TIAM1: variants seen among roughly 807,000 people sequenced by gnomAD.
TIAM1 encodes TIAM Rac1 associated GEF 1, also known as rho guanine nucleotide exchange factor TIAM1.
Under a neutral mutation model 163.5 loss-of-function variants are expected in TIAM1, and 65 were observed. That is an observed-to-expected ratio of 0.40 (90% CI 0.33 to 0.49). The LOEUF is 0.49. TIAM1 is among the 20% of genes least tolerant of loss of function. The probability of loss-of-function intolerance (pLI) is 0.77; values close to 1 mark genes in which losing one functional copy is unlikely to be tolerated. For synonymous variants in TIAM1, 833 were observed against 810.1 expected (o/e 1.03, Z -0.48); for missense variants, 1,789 against 2,044.7 (o/e 0.87, Z 2.41).
intron 1 of TIAM1, among the ~76,000 whole-genome samples, chr21:31,544,553 C>T (rs1339015310): frequency 2.6e-5 from 4 of 151,476 alleles, no homozygotes; most frequent in Non-Finnish European, 5.9e-5. Context: ...ACTTGAACCC[C>T]GGTGGCAAAG....
chr21:31,145,623 G>C (rs1184908191), intron 20 of TIAM1, among the ~76,000 whole-genome samples: 1 of 152,182 alleles, frequency 6.6e-6, no homozygotes, highest in African/African-American at 2.4e-5. Context: ...AAAGCAGCTT[G>C]CCCATATAAA....
At chr21:31,305,916 T>G (rs2074692364) in intron 2 of TIAM1, among the ~76,000 whole-genome samples, 1 of 151,944 alleles carries the variant, frequency 6.6e-6, no homozygotes, top group Non-Finnish European at 1.5e-5. Flanking sequence ...GTGACTGCCA[T>G]GGTGGTGTCA....
intron 1 of TIAM1, among the ~76,000 whole-genome samples, chr21:31,486,675 G>A (rs2046282795): frequency 6.6e-6 from 1 of 152,242 alleles, no homozygotes; most frequent in South Asian, 2.1e-4. Context: ...CCTCTCCACT[G>A]AGGAGGGGAA....
At chr21:31,158,682 C>T (rs936860157) in intron 16 of TIAM1, among the ~76,000 whole-genome samples, 1 of 152,102 alleles carries the variant, frequency 6.6e-6, no homozygotes, top group African/African-American at 2.4e-5. Flanking sequence ...TAACACCCCC[C>T]CAAATTTTTT....
intron 1 of TIAM1, among the ~76,000 whole-genome samples, chr21:31,491,766 T>G (rs906061796): frequency 2.6e-5 from 4 of 152,248 alleles, no homozygotes; most frequent in Admixed American, 2.6e-4. Context: ...TAAAACTGAT[T>G]GATGAATCTA....
intron 3 of TIAM1, among the ~76,000 whole-genome samples, chr21:31,271,797 T>C (rs2073069341): frequency 6.6e-6 from 1 of 152,084 alleles, no homozygotes; most frequent in Non-Finnish European, 1.5e-5. Context: ...CTGAAAGTGG[T>C]ATGGGGTCAA....
chr21:31,345,374 G>C (rs2076128360), upstream of TIAM1, among the ~76,000 whole-genome samples: 1 of 151,658 alleles, frequency 6.6e-6, no homozygotes. Flanking sequence ...ATGCAGCCTG[G>C]AAACAGTACT....
chr21:31,162,053 T>C (rs1178979889), intron 16 of TIAM1, among the ~76,000 whole-genome samples: 2 of 152,232 alleles, frequency 1.3e-5, no homozygotes, highest in Non-Finnish European at 2.9e-5. Flanking sequence ...TGAAACCCAG[T>C]ATTTAAAACC....
At position 31,183,884 on chromosome 21, in the gene TIAM1, G is replaced by A. The variant is rs182018738; in HGVS notation, c.2663-1239C>T. On this transcript the variant is annotated intron_variant, in intron 14 of 27. Coordinates refer to ENST00000541036, the MANE Select transcript of TIAM1 (RefSeq NM_001353694.2). ...TATTTTTTGTATTTTCAGTAGGGAC[G>A]GGGTTTCACCATGTTGGCCAGGCTG... Among the ~76,000 whole-genome samples the A allele has an allele frequency of 6.6e-5, 10 of 150,922 alleles. No individual in the cohort carries two copies. The East Asian group carries it at 1.8e-3, about 27-fold the overall frequency.
intron 1 of TIAM1, among the ~76,000 whole-genome samples, chr21:31,471,034 A>T (rs1170635380): frequency 2.6e-5 from 4 of 152,196 alleles, no homozygotes; most frequent in Non-Finnish European, 5.9e-5. Flanking sequence ...CAGGTGTCGG[A>T]TGCACAAGCA....
At chr21:31,555,015 G>A (rs1231342013) in intron 1 of TIAM1, among the ~76,000 whole-genome samples, 2 of 151,844 alleles carry the variant, frequency 1.3e-5, no homozygotes, top group Non-Finnish European at 2.9e-5. Flanking sequence ...GGGAATGGAA[G>A]GGGAAAACTC....
At chr21:31,544,584 C>T (rs538445746) in intron 1 of TIAM1, among the ~76,000 whole-genome samples, 2 of 151,830 alleles carry the variant, frequency 1.3e-5, no homozygotes, top group African/African-American at 2.4e-5. Flanking sequence ...GCTGAGATCA[C>T]GCCATTGCAC....
intron 1 of TIAM1, among the ~76,000 whole-genome samples, chr21:31,488,883 A>C (rs2046362693): frequency 6.6e-6 from 1 of 152,106 alleles, no homozygotes; most frequent in African/African-American, 2.4e-5. Flanking sequence ...AAAGACAGGA[A>C]AACATAAGTG....
At chr21:31,398,513 A>C (rs2077112068) in intron 2 of TIAM1, among the ~76,000 whole-genome samples, 1 of 152,236 alleles carries the variant, frequency 6.6e-6, no homozygotes, top group Non-Finnish European at 1.5e-5. Flanking sequence ...ATTCTCCATC[A>C]CACTTCAAAT....
In TIAM1 at chr21:31,250,274, C is replaced by T. The variant is rs376613408; in HGVS notation, c.1411+1468G>A. The stretch of plus-strand genomic sequence containing the variant: ...AAGAGTTATCACACAAGCCTTAAAT[C>T]ATCTATTTTTGATAGGTGGGAGGGA... On this transcript the variant is annotated intron_variant, in intron 5 of 27. Transcript: ENST00000541036. 4.6e-5 allele frequency among the ~76,000 whole-genome samples: 7 copies of T among 151,850 alleles called. No homozygotes were observed. The South Asian group carries it at 1.0e-3, about 23-fold the overall frequency.
chr21:31,293,047 C>T (rs1050605222), intron 2 of TIAM1, among the ~76,000 whole-genome samples: 7 of 152,160 alleles, frequency 4.6e-5, no homozygotes, highest in African/African-American at 1.7e-4. Flanking sequence ...TGGTCTTGAG[C>T]TACTGACCTC....
intron 1 of TIAM1, among the ~76,000 whole-genome samples, chr21:31,509,505 C>G (rs1337966707): frequency 6.6e-6 from 1 of 152,192 alleles, no homozygotes; most frequent in Non-Finnish European, 1.5e-5. Flanking sequence ...GCACCTCCTC[C>G]GCCACTGTCA....
intron 5 of TIAM1, among the ~76,000 whole-genome samples, chr21:31,248,506 C>T (rs192896628): frequency 7.9e-5 from 12 of 152,156 alleles, no homozygotes; most frequent in Non-Finnish European, 1.3e-4. Context: ...ATAATCTGTA[C>T]GTTCTTCCGT....
intron 2 of TIAM1, among the ~76,000 whole-genome samples, chr21:31,450,668 T>A (rs114796924): frequency 6.6e-6 from 1 of 152,140 alleles, no homozygotes; most frequent in Admixed American, 6.5e-5. Flanking sequence ...AAGAACAAAG[T>A]GTAATGGACT....
Sources: gnomAD v4.1 joint callset for allele counts (sites outside exome capture counted in the v4.1 genomes callset) on GRCh38, gnomAD v4.1.1 for gene constraint, MANE v1.5 for transcripts, NCBI Gene and HGNC (gene_info 2026-07-23, HGNC 2026-07-21) for gene names.